ACCSL: variants seen among roughly 807,000 people sequenced by gnomAD.
ACCSL encodes probable inactive 1-aminocyclopropane-1-carboxylate synthase-like protein 2.
ACCSL carries 55 observed loss-of-function variants against 61.7 expected under a neutral mutation model. That is an observed-to-expected ratio of 0.89 (90% CI 0.72 to 1.12). The LOEUF (loss-of-function observed/expected upper bound fraction) is 1.12. Among genes scored for constraint, ACCSL ranks in the 50% most tolerant of loss-of-function variants. The pLI is 0.00. For missense variants in ACCSL, 632 were observed against 698.0 expected (o/e 0.91, Z 1.07); for synonymous variants, 258 against 264.3 (o/e 0.98, Z 0.23).
chr11:43,928,057 G>A, the ACCSL span, among the ~76,000 whole-genome samples: 1 of 152,220 alleles, frequency 6.6e-6, no homozygotes, highest in Non-Finnish European at 1.5e-5. Context: ...AAGTCTGCCT[G>A]TTGGAGGAGG....
At chr11:44,012,630 A>G in the ACCSL span, among the ~76,000 whole-genome samples, 1 of 152,184 alleles carries the variant, frequency 6.6e-6, no homozygotes, top group Admixed American at 6.5e-5. Context: ...TCTGTCAAAC[A>G]TTTAAAGACA....
chr11:44,016,097 A>G, the ACCSL span, among the ~76,000 whole-genome samples: 5 of 152,050 alleles, frequency 3.3e-5, no homozygotes, highest in Admixed American at 1.3e-4. Context: ...CTTCCAACCA[A>G]TGAAGACCTC....
At chr11:43,936,168 C>G in the ACCSL span, among the ~76,000 whole-genome samples, 35 of 152,162 alleles carry the variant, frequency 2.3e-4, no homozygotes, top group Non-Finnish European at 1.2e-4. Flanking sequence ...GTAACAACAC[C>G]CCAACCTGGT....
At chr11:44,028,644 G>A in the ACCSL span, among the ~76,000 whole-genome samples, 20,854 of 152,098 alleles carry the variant, frequency 0.14, 1,672 homozygotes, top group East Asian at 0.29. Context: ...TTACCCAGGG[G>A]TCAGCAGACA....
chr11:44,021,887 C>G, the ACCSL span, among the ~76,000 whole-genome samples: 1 of 151,970 alleles, frequency 6.6e-6, no homozygotes, highest in Non-Finnish European at 1.5e-5. Flanking sequence ...CCCTTCCTCA[C>G]CTTATGTTTT....
intron 4 of ACCSL, 71 bp from the exon 5 acceptor site, chr11:44,051,582 G>A (rs779220300): frequency 1.8e-5 from 29 of 1,593,180 alleles, no homozygotes; most frequent in Non-Finnish European, 2.3e-5. Context: ...CCAGGGGGAT[G>A]GAGAAAGCAT....
chr11:44,034,559 AAGAG>A, the ACCSL span, among the ~76,000 whole-genome samples: 99,519 of 151,396 alleles, frequency 0.66, 33,316 homozygotes, highest in African/African-American at 0.79. Flanking sequence ...GGTGGCAAGC[AAGAG>A]AGAGAGAGAG....
intron 2 of ACCSL, 125 bp downstream of exon 2, chr11:44,050,246 C>T: frequency 1.2e-6 from 1 of 825,472 alleles, no homozygotes. Context: ...GAAGAAATAG[C>T]TTCTAGAATA....
the ACCSL span, among the ~76,000 whole-genome samples, chr11:43,934,233 G>A: frequency 0.88 from 134,509 of 152,166 alleles, 61,353 homozygotes; most frequent in Non-Finnish European, 1. Flanking sequence ...TATGCTCCCA[G>A]TCGTACCAGA....
At chr11:44,045,480 T>C (rs1952592693), upstream of ACCSL, among the ~76,000 whole-genome samples, 1 of 152,122 alleles carries the variant, frequency 6.6e-6, no homozygotes, top group African/African-American at 2.4e-5. Context: ...CAAAACATTT[T>C]TACCAGGAAA....
At chr11:43,974,296 C>T in the ACCSL span, among the ~76,000 whole-genome samples, 1 of 152,182 alleles carries the variant, frequency 6.6e-6, no homozygotes, top group African/African-American at 2.4e-5. Flanking sequence ...TCACTCCACA[C>T]CTCTTTCCTA....
At chr11:44,043,845 C>G (rs140587125), upstream of ACCSL, among the ~76,000 whole-genome samples, 252 of 152,184 alleles carry the variant, frequency 1.7e-3, 1 homozygote, top group African/African-American at 5.7e-3. Context: ...CTCCTGTTTT[C>G]CTTCAAATCT....
At chr11:43,932,889 C>T in the ACCSL span, among the ~76,000 whole-genome samples, 3 of 152,246 alleles carry the variant, frequency 2.0e-5, no homozygotes, top group East Asian at 1.9e-4. Context: ...CCCTTTGTCA[C>T]CTCAGCTCCT....
At chr11:44,025,507 T>C in the ACCSL span, among the ~76,000 whole-genome samples, 2 of 152,176 alleles carry the variant, frequency 1.3e-5, no homozygotes, top group Non-Finnish European at 2.9e-5. Context: ...ACTTACATCC[T>C]TATGCATGAT....
At chr11:43,948,981 C>T in the ACCSL span, among the ~76,000 whole-genome samples, 1 of 152,192 alleles carries the variant, frequency 6.6e-6, no homozygotes, top group Non-Finnish European at 1.5e-5. Flanking sequence ...TTGTTGTGGT[C>T]TTTGGTTCAG....
the ACCSL span, chr11:44,001,119 G>A: frequency 6.6e-6 from 1 of 152,290 alleles, no homozygotes; most frequent in South Asian, 2.1e-4. Context: ...AACTATGGGA[G>A]TCACAGAGAT....
At chr11:44,043,129 C>T (rs569075376), upstream of ACCSL, among the ~76,000 whole-genome samples, 7 of 152,106 alleles carry the variant, frequency 4.6e-5, no homozygotes, top group South Asian at 2.1e-4. Context: ...AGACTTAGTT[C>T]GCTATAGCTA....
the ACCSL span, among the ~76,000 whole-genome samples, chr11:44,014,153 G>A: frequency 6.6e-6 from 1 of 152,178 alleles, no homozygotes; most frequent in Admixed American, 6.5e-5. Context: ...TCCCCACACC[G>A]CATCTTACAT....
At chr11:43,966,204 T>A in the ACCSL span, among the ~76,000 whole-genome samples, 83 of 152,278 alleles carry the variant, frequency 5.5e-4, no homozygotes, top group Non-Finnish European at 9.7e-4. Context: ...GGCGGGCAGA[T>A]CACCTGAGGT....
Sources: gnomAD v4.1 joint callset for allele counts (sites outside exome capture counted in the v4.1 genomes callset) on GRCh38, gnomAD v4.1.1 for gene constraint, MANE v1.5 for transcripts, NCBI Gene and HGNC (gene_info 2026-07-23, HGNC 2026-07-21) for gene names.